SAMD12: variants seen among roughly 807,000 people sequenced by gnomAD.
The protein encoded by SAMD12 is sterile alpha motif domain containing 12, also known as sterile alpha motif domain-containing protein 12.
In SAMD12, 9 loss-of-function variants were observed where a neutral mutation model predicts 15.0. The observed-to-expected ratio is 0.60, with a 90% CI of 0.36 to 1.05. SAMD12 has a LOEUF of 1.05. Among genes scored for constraint, SAMD12 ranks in the 50% least tolerant of loss-of-function variants. SAMD12 has a pLI of 0.01. For missense variants in SAMD12, 230 were observed against 234.2 expected (o/e 0.98, Z 0.12); for synonymous variants, 86 against 90.1 (o/e 0.96, Z 0.25).
chr8:118,597,885 A>T (rs1206812982), intron 1 of SAMD12, among the ~76,000 whole-genome samples: 1 of 152,204 alleles, frequency 6.6e-6, no homozygotes, highest in Non-Finnish European at 1.5e-5. Flanking sequence ...CCCAACAAAA[A>T]TTGTAAGTCT....
intron 4 of SAMD12, among the ~76,000 whole-genome samples, chr8:118,235,477 G>C (rs2129942751): frequency 6.6e-6 from 1 of 152,040 alleles, no homozygotes; most frequent in Non-Finnish European, 1.5e-5. Flanking sequence ...CCAAAGTGCT[G>C]GGATTACAAG....
chr8:118,300,697 G>T (rs1814974207), intron 4 of SAMD12, among the ~76,000 whole-genome samples: 1 of 152,142 alleles, frequency 6.6e-6, no homozygotes, highest in African/African-American at 2.4e-5. Context: ...AGCCCTTCAG[G>T]CGATTCCAAT....
intron 1 of SAMD12, among the ~76,000 whole-genome samples, chr8:118,588,862 T>A (rs533775730): frequency 1.3e-5 from 2 of 152,334 alleles, no homozygotes; most frequent in South Asian, 4.1e-4. Context: ...TATGCTGAAT[T>A]TTATCACTTG....
chr8:118,323,347 T>C (rs1235557525), intron 4 of SAMD12, among the ~76,000 whole-genome samples: 1 of 152,304 alleles, frequency 6.6e-6, no homozygotes, highest in Non-Finnish European at 1.5e-5. Flanking sequence ...AAGTGCTGCA[T>C]GCATTTGTCA....
At chr8:118,284,389 T>C (rs1813817511) in intron 4 of SAMD12, 2 of 453,652 alleles carry the variant, frequency 4.4e-6, no homozygotes. Context: ...AGAATCAGAA[T>C]ATCCTGTTTT....
At chr8:118,419,216 C>T (rs1821876220) in intron 3 of SAMD12, among the ~76,000 whole-genome samples, 1 of 152,004 alleles carries the variant, frequency 6.6e-6, no homozygotes, top group African/African-American at 2.4e-5. Flanking sequence ...AAAAAAAAGC[C>T]TTAGGTGTCA....
At chr8:118,448,017 C>T (rs1381480746) in intron 2 of SAMD12, among the ~76,000 whole-genome samples, 6 of 152,118 alleles carry the variant, frequency 3.9e-5, no homozygotes, top group African/African-American at 7.2e-5. Context: ...CGTGAGCCAC[C>T]GCGCCCAGCC....
chr8:118,571,256 G>A (rs1827003380), intron 2 of SAMD12, among the ~76,000 whole-genome samples: 1 of 152,156 alleles, frequency 6.6e-6, no homozygotes, highest in Admixed American at 6.5e-5. Flanking sequence ...CTCAGAAGAA[G>A]GCAGGAAAAT....
chr8:118,473,701 G>A (rs569029821), intron 2 of SAMD12, among the ~76,000 whole-genome samples: 81 of 152,138 alleles, frequency 5.3e-4, no homozygotes, highest in Non-Finnish European at 1.1e-3. Flanking sequence ...GCACCTTCAC[G>A]CACAGGTCTC....
At chr8:118,243,739 T>A (rs1354110295) in intron 4 of SAMD12, among the ~76,000 whole-genome samples, 1 of 152,118 alleles carries the variant, frequency 6.6e-6, no homozygotes, top group Non-Finnish European at 1.5e-5. Flanking sequence ...ACCCAGAGTG[T>A]GAAACTTTGA....
chr8:118,419,617 G>C (rs891437012), intron 3 of SAMD12, among the ~76,000 whole-genome samples: 1 of 152,206 alleles, frequency 6.6e-6, no homozygotes, highest in African/African-American at 2.4e-5. Flanking sequence ...TGTTGGGAGA[G>C]AGGCTATTCT....
chr8:118,487,865 A>C (rs1824332369), intron 2 of SAMD12, among the ~76,000 whole-genome samples: 1 of 152,210 alleles, frequency 6.6e-6, no homozygotes, highest in Non-Finnish European at 1.5e-5. Flanking sequence ...TTATAACTTG[A>C]AAGACAGACT....
the SAMD12 span, among the ~76,000 whole-genome samples, chr8:118,134,004 G>A: frequency 5.3e-5 from 8 of 152,240 alleles, no homozygotes; most frequent in East Asian, 3.9e-4. Flanking sequence ...GAAACTGTTC[G>A]AGCTCTAATG....
chr8:118,141,119 TG>T, the SAMD12 span, among the ~76,000 whole-genome samples: 1 of 152,192 alleles, frequency 6.6e-6, no homozygotes, highest in African/African-American at 2.4e-5. Flanking sequence ...ATTTAGGAAC[TG>T]GCAAAAAGAT....
At chr8:118,385,695 T>G (rs1819917607) in intron 3 of SAMD12, among the ~76,000 whole-genome samples, 3 of 152,360 alleles carry the variant, frequency 2.0e-5, no homozygotes, top group Middle Eastern at 3.4e-3. Context: ...TCCCTGGTGC[T>G]GCCTGTGTGC....
chr8:118,600,618 T>C (rs1827836763), intron 1 of SAMD12, among the ~76,000 whole-genome samples: 1 of 152,202 alleles, frequency 6.6e-6, no homozygotes, highest in Non-Finnish European at 1.5e-5. Flanking sequence ...GAAAAGATAT[T>C]TCTCTCTCAG....
At chr8:118,380,595 T>C (rs999774770) in intron 3 of SAMD12, among the ~76,000 whole-genome samples, 55 of 152,328 alleles carry the variant, frequency 3.6e-4, no homozygotes, top group African/African-American at 1.2e-3. Context: ...AGAGTGATCA[T>C]TGCTAAATGC....
intron 1 of SAMD12, among the ~76,000 whole-genome samples, chr8:118,590,927 T>G (rs1304367635): frequency 6.6e-6 from 1 of 152,158 alleles, no homozygotes; most frequent in African/African-American, 2.4e-5. Flanking sequence ...CTAAAGTCTC[T>G]GCAGAGAAAT....
chr8:118,399,757 G>A (rs1456473127), intron 3 of SAMD12, among the ~76,000 whole-genome samples: 1 of 152,132 alleles, frequency 6.6e-6, no homozygotes, highest in Non-Finnish European at 1.5e-5. Context: ...CCTGCTTCAT[G>A]GGGAACCAAA....
Sources: gnomAD v4.1 joint callset for allele counts (sites outside exome capture counted in the v4.1 genomes callset) on GRCh38, gnomAD v4.1.1 for gene constraint, MANE v1.5 for transcripts, NCBI Gene and HGNC (gene_info 2026-07-23, HGNC 2026-07-21) for gene names.